AP4E1: variants seen among roughly 807,000 people sequenced by gnomAD.
The protein encoded by AP4E1 is adaptor related protein complex 4 subunit epsilon 1.
Under a neutral mutation model 128.2 loss-of-function variants are expected in AP4E1, and 56 were observed. The observed-to-expected ratio is 0.44, with a 90% CI of 0.35 to 0.55. AP4E1 has a LOEUF of 0.55. Among genes scored for constraint, AP4E1 ranks in the 20% least tolerant of loss-of-function variants. The probability of loss-of-function intolerance (pLI) is 0.00; values close to 1 mark genes in which losing one functional copy is unlikely to be tolerated. For missense variants in AP4E1, 1,324 were observed against 1,307.7 expected (o/e 1.01, Z -0.19); for synonymous variants, 484 against 473.1 (o/e 1.02, Z -0.30).
At chr15:50,945,452 AT>A in intron 10 of AP4E1, 2 of 775,044 alleles carry the variant, frequency 2.6e-6, no homozygotes, top group Non-Finnish European at 4.8e-6. Flanking sequence ...TATAACTTAC[AT>A]ACTTTTGATA....
chr15:50,949,956 T>G lies in AP4E1; in HGVS notation c.1429+18T>G, dbSNP rs1156879860. On this transcript the variant is annotated intron_variant, in intron 12 of 20. Transcript: ENST00000261842. ...AGCGGAAGGTTGGTACACTATTATA[T>G]TCTGTAAAGTAAACATTTTAAAGTT... The G allele has an allele frequency of 6.3e-6, 10 of 1,599,068 alleles. No individual in the cohort carries two copies. The highest frequency in any genetic ancestry group is 7.7e-6 in the Non-Finnish European group (9 of 1,166,598).
chr15:50,972,121 A>G (rs1409937256), intron 15 of AP4E1, among the ~76,000 whole-genome samples: 1 of 152,212 alleles, frequency 6.6e-6, no homozygotes. Flanking sequence ...TTATTTGTAT[A>G]AATGGGTCTT....
intron 15 of AP4E1, among the ~76,000 whole-genome samples, chr15:50,972,009 GTTTC>G (rs1472142585): frequency 6.6e-6 from 1 of 152,070 alleles, no homozygotes; most frequent in Non-Finnish European, 1.5e-5. Flanking sequence ...GTAGTGACAT[GTTTC>G]TTTTTTCATG....
intron 3 of AP4E1, among the ~76,000 whole-genome samples, chr15:50,916,626 T>C (rs1260529810): frequency 1.3e-5 from 2 of 152,212 alleles, no homozygotes; most frequent in Non-Finnish European, 2.9e-5. Context: ...AGGTGACAGA[T>C]GTCTTGGTAA....
At chr15:50,947,923 A>G in intron 10 of AP4E1, 97 bp from the exon 11 acceptor site, 1 of 1,005,868 alleles carries the variant, frequency 9.9e-7, no homozygotes, top group South Asian at 1.5e-5. Context: ...CCATAAAAGT[A>G]GAAGAATCAA....
intron 14 of AP4E1, among the ~76,000 whole-genome samples, chr15:50,962,222 A>C (rs1013220192): frequency 6.6e-6 from 1 of 152,028 alleles, no homozygotes; most frequent in Non-Finnish European, 1.5e-5. Context: ...GTACTATCAA[A>C]ATACCAATGA....
upstream of AP4E1, chr15:50,908,643 G>C (rs2063525285): frequency 8.6e-7 from 1 of 1,164,426 alleles, no homozygotes; most frequent in Non-Finnish European, 1.1e-6. Flanking sequence ...AACTTGTTCA[G>C]GTGGGACGCC....
At chr15:50,914,612 C>G (rs977396138) in intron 2 of AP4E1, among the ~76,000 whole-genome samples, 3 of 146,102 alleles carry the variant, frequency 2.1e-5, no homozygotes, top group African/African-American at 7.7e-5. Context: ...GATCTTGCCA[C>G]TGTACTCCAG....
At chr15:50,941,961 G>C (rs28637403) in intron 10 of AP4E1, among the ~76,000 whole-genome samples, 186 bp downstream of exon 10, 2 of 152,258 alleles carry the variant, frequency 1.3e-5, no homozygotes, top group Non-Finnish European at 2.9e-5. Context: ...CTGTCACCCA[G>C]GCTGTAGTGC....
chr15:50,924,105 G>A, intron 4 of AP4E1, 101 bp downstream of exon 4: 1 of 990,554 alleles, frequency 1.0e-6, no homozygotes. Flanking sequence ...AAGAAAGTGG[G>A]CTTGCAGAAT....
intron 14 of AP4E1, among the ~76,000 whole-genome samples, chr15:50,960,186 A>G (rs2064291623): frequency 6.6e-6 from 1 of 152,204 alleles, no homozygotes; most frequent in African/African-American, 2.4e-5. Flanking sequence ...GGAAACCTTG[A>G]CACATCACTT....
intron 8 of AP4E1, 55 bp downstream of exon 8, chr15:50,934,752 C>T (rs919647520): frequency 2.6e-6 from 3 of 1,164,232 alleles, no homozygotes; most frequent in South Asian, 2.5e-5. Context: ...TTTAGTATTG[C>T]AGTTAAATCT....
At chr15:50,977,719 T>TTTTTTG in intron 15 of AP4E1, among the ~76,000 whole-genome samples, 1 of 147,530 alleles carries the variant, frequency 6.8e-6, no homozygotes, top group Admixed American at 6.7e-5. Flanking sequence ...TTTTTTTTTT[T>TTTTTTG]TTTTTTTAGA....
At position 50,941,301 on chromosome 15, in the gene AP4E1, G is replaced by GT; in HGVS notation, c.944-138dup. Reference sequence around the variant, plus strand: ...ACTGGGTAAGCCTGAAAGTAGTAGCGTTTGTTTCTGTGAAAAGTCCATAAA... The same window carrying GT: ...ACTGGGTAAGCCTGAAAGTAGTAGCGTTTTGTTTCTGTGAAAAGTCCATAAA... On this transcript the variant is annotated intron_variant, in intron 8 of 20. Coordinates refer to ENST00000261842, the MANE Select transcript of AP4E1 (RefSeq NM_007347.5). 5 of 906,662 alleles carry GT rather than the reference G, an allele frequency of 5.5e-6. No homozygotes were observed. The East Asian group carries it at 1.3e-4, about 24-fold the overall frequency. 56.2% of individuals were successfully genotyped at this position (906,662 alleles called of 1,614,324 possible).
intron 8 of AP4E1, among the ~76,000 whole-genome samples, chr15:50,935,024 C>T (rs554998851): frequency 3.9e-5 from 6 of 151,924 alleles, no homozygotes; most frequent in South Asian, 2.1e-4. Flanking sequence ...TAAACATTTA[C>T]GGTATTCAAA....
intron 10 of AP4E1, among the ~76,000 whole-genome samples, chr15:50,943,405 G>T (rs929101939): frequency 6.6e-6 from 1 of 152,004 alleles, no homozygotes; most frequent in African/African-American, 2.4e-5. Flanking sequence ...TAAAAAATTT[G>T]CCTTCATATA....
intron 10 of AP4E1, among the ~76,000 whole-genome samples, chr15:50,942,663 A>G (rs1415665802): frequency 6.7e-6 from 1 of 148,250 alleles, no homozygotes; most frequent in South Asian, 2.1e-4. Context: ...ACTTTTGTAT[A>G]TTACATTTTA....
At chr15:50,909,059 C>T in intron 1 of AP4E1, 131 bp downstream of exon 1, 5 of 1,409,758 alleles carry the variant, frequency 3.5e-6, no homozygotes, top group South Asian at 1.4e-5. Flanking sequence ...GCTGCTGTGT[C>T]GGTTCGTCCT....
At chr15:50,969,660 CT>C (rs370228298) in intron 15 of AP4E1, among the ~76,000 whole-genome samples, 232 of 133,910 alleles carry the variant, frequency 1.7e-3, no homozygotes, top group Admixed American at 1.7e-3. Context: ...CAATATCTTT[CT>C]TTTTTTTTTT....
Sources: allele counts gnomAD v4.1 joint callset (sites outside exome capture counted in the v4.1 genomes callset), GRCh38; gene constraint gnomAD v4.1.1; transcripts MANE v1.5; gene names NCBI Gene and HGNC (gene_info 2026-07-23, HGNC 2026-07-21).